ADGRL2: variants seen among roughly 807,000 people sequenced by gnomAD.
ADGRL2 encodes the protein adhesion G protein-coupled receptor L2.
ADGRL2 carries 44 observed loss-of-function variants against 157.4 expected under a neutral mutation model. The observed-to-expected ratio is 0.28, with a 90% confidence interval of 0.22 to 0.36. ADGRL2 has a LOEUF of 0.36. Among genes scored for constraint, ADGRL2 ranks in the 10% least tolerant of loss-of-function variants. The pLI, the probability that ADGRL2 is intolerant of heterozygous loss-of-function variation, is 1.00. For missense variants in ADGRL2, 1,510 were observed against 1,768.9 expected, an observed-to-expected ratio of 0.85 and a Z score of 2.63; for synonymous variants, 585 against 624.7, an observed-to-expected ratio of 0.94 and a Z score of 0.95.
At chr1:81,576,088 T>G (rs1364171759) in intron 2 of ADGRL2, among the ~76,000 whole-genome samples, 1 of 152,134 alleles carries the variant, frequency 6.6e-6, no homozygotes, top group African/African-American at 2.4e-5. Context: ...AAGCATTTTA[T>G]TTAAGAGGTT....
chr1:81,930,518 A>G (rs2095207456), intron 3 of ADGRL2, among the ~76,000 whole-genome samples: 2 of 152,180 alleles, frequency 1.3e-5, no homozygotes, highest in African/African-American at 4.8e-5. Context: ...TGTTTGTAAT[A>G]CTTTCACCTT....
intron 1 of ADGRL2, among the ~76,000 whole-genome samples, chr1:81,826,333 G>T (rs1017458090): frequency 2.6e-4 from 39 of 152,162 alleles, no homozygotes; most frequent in African/African-American, 8.7e-4. Context: ...GGTCTAGAAG[G>T]TTTTTCAGGA....
chr1:81,463,290 C>G (rs2077979872), intron 2 of ADGRL2, among the ~76,000 whole-genome samples: 1 of 151,824 alleles, frequency 6.6e-6, no homozygotes, highest in Non-Finnish European at 1.5e-5. Context: ...CTTTCTGAGA[C>G]TCAAATTCTT....
chr1:81,661,792 C>T (rs894687950), intron 3 of ADGRL2, among the ~76,000 whole-genome samples: 1 of 152,096 alleles, frequency 6.6e-6, no homozygotes, highest in Non-Finnish European at 1.5e-5. Flanking sequence ...ATCATAGGGT[C>T]ACCATATGAT....
At chr1:81,398,367 A>G (rs1211895711) in intron 1 of ADGRL2, among the ~76,000 whole-genome samples, 4 of 151,818 alleles carry the variant, frequency 2.6e-5, no homozygotes, top group African/African-American at 9.7e-5. Context: ...TTGTTTTTAT[A>G]CCTTTCATTT....
chr1:81,812,203 GTTATTA>G (rs2089943344), intron 1 of ADGRL2, among the ~76,000 whole-genome samples: 1 of 151,740 alleles, frequency 6.6e-6, no homozygotes, highest in Non-Finnish European at 1.5e-5. Flanking sequence ...GCTAAACCTT[GTTATTA>G]CCTGCAGAGG....
In ADGRL2 at chr1:81,718,329, T is replaced by C. The variant is rs189972593; in HGVS notation, c.-143+18521T>C. Among the ~76,000 whole-genome samples the C allele has an allele frequency of 2.1e-4, 32 of 152,302 alleles. No homozygotes were observed. The East Asian group carries it at 5.6e-3, about 27-fold the overall frequency. On this transcript the variant is annotated intron_variant, in intron 1 of 20. Coordinates refer to the ADGRL2 transcript ENST00000359929. ...CACCGCATTTTGGGAGAAAAGATTG[T>C]CCATATTTTCTTAAGGAAACATAAT...
intron 2 of ADGRL2, among the ~76,000 whole-genome samples, chr1:81,883,527 A>G (rs941513544): frequency 3.9e-5 from 6 of 152,220 alleles, no homozygotes; most frequent in Admixed American, 3.9e-4. Context: ...TTTATTTAAA[A>G]TAAAATAAAA....
chr1:81,530,356 AT>A (rs553232178), intron 2 of ADGRL2, among the ~76,000 whole-genome samples: 1 of 151,378 alleles, frequency 6.6e-6, no homozygotes, highest in Admixed American at 6.6e-5. Flanking sequence ...TATTATTTGT[AT>A]TTTTTTTGAG....
Position 81,454,139 on chromosome 1 carries a change from C to G in ADGRL2, c.-248+9050C>G, listed in dbSNP as rs147335624. Reference sequence around the variant, plus strand: ...TAAAGTTAAACCAGGGCATTATTGGCTCAGTCTTGAACATCTCAATCCTCA... The same window carrying G: ...TAAAGTTAAACCAGGGCATTATTGGGTCAGTCTTGAACATCTCAATCCTCA... On this transcript the variant is annotated intron_variant, in intron 2 of 24. Transcript: ENST00000370721. 6.8e-3 allele frequency among the ~76,000 whole-genome samples: 1,027 copies of G among 151,038 alleles called. 18 individuals are homozygous for G. The highest frequency in any genetic ancestry group is 0.048 in the South Asian group (228 of 4,784).
intron 1 of ADGRL2, among the ~76,000 whole-genome samples, chr1:81,428,607 T>A (rs1466721383): frequency 3.9e-5 from 6 of 151,930 alleles, no homozygotes; most frequent in African/African-American, 1.5e-4. Flanking sequence ...ATGCAGGCAA[T>A]TTTAGAGGAA....
intron 1 of ADGRL2, among the ~76,000 whole-genome samples, chr1:81,337,619 G>T: frequency 6.6e-6 from 1 of 152,260 alleles, no homozygotes; most frequent in East Asian, 1.9e-4. Context: ...TGTTTTCATG[G>T]TTGCTAATAT....
chr1:81,960,560 C>T lies in ADGRL2; in HGVS notation c.2017+4500C>T, dbSNP rs201981574. On this transcript the variant is annotated intron_variant, in intron 11 of 23. Coordinates refer to ENST00000686636, the MANE Select transcript of ADGRL2 (RefSeq NM_001366006.2). ...CATGATCTCGGCTCACTGCAACCTT[C>T]GCTTCCTGGGTTCAAGTGATTCTCC... is the stretch of plus-strand genomic sequence containing the variant. Among the ~76,000 whole-genome samples the T allele has an allele frequency of 3.5e-3, 534 of 151,238 alleles. 1 individual carries two copies. Among genetic ancestry groups the T allele is most frequent in the East Asian group, 0.014 (71 of 5,134 alleles).
intron 1 of ADGRL2, among the ~76,000 whole-genome samples, chr1:81,700,728 G>A (rs182488684): frequency 1.3e-3 from 199 of 152,252 alleles, no homozygotes; most frequent in Non-Finnish European, 2.2e-3. Flanking sequence ...AGATAGGAGA[G>A]GAAAAGCATA....
chr1:81,795,803 G>A (rs1228656030), upstream of ADGRL2, among the ~76,000 whole-genome samples: 1 of 152,102 alleles, frequency 6.6e-6, no homozygotes, highest in Non-Finnish European at 1.5e-5. Context: ...CTTTTGTTCT[G>A]CACCTAAGCA....
At chr1:81,904,689 C>A (rs2094551949) in intron 2 of ADGRL2, among the ~76,000 whole-genome samples, 1 of 152,176 alleles carries the variant, frequency 6.6e-6, no homozygotes, top group Non-Finnish European at 1.5e-5. Context: ...GTGGGCGGAT[C>A]ACGAGGTCAA....
At chr1:81,552,648 C>T (rs182323802) in intron 2 of ADGRL2, among the ~76,000 whole-genome samples, 5 of 150,774 alleles carry the variant, frequency 3.3e-5, no homozygotes, top group Admixed American at 1.3e-4. Flanking sequence ...AAAAGAACCC[C>T]CCAAAAAACC....
intron 3 of ADGRL2, among the ~76,000 whole-genome samples, chr1:81,919,362 A>G (rs984780500): frequency 3.3e-5 from 5 of 152,094 alleles, no homozygotes; most frequent in African/African-American, 1.2e-4. Flanking sequence ...CAGATTTTAA[A>G]TAAATTTCAC....
intron 1 of ADGRL2, among the ~76,000 whole-genome samples, chr1:81,801,952 G>A (rs1409610505): frequency 6.6e-6 from 1 of 151,426 alleles, no homozygotes; most frequent in Non-Finnish European, 1.5e-5. Flanking sequence ...AGCGGCGTGT[G>A]GGAAACTGCG....
Sources: gnomAD v4.1 joint callset for allele counts (sites outside exome capture counted in the v4.1 genomes callset) on GRCh38, gnomAD v4.1.1 for gene constraint, MANE v1.5 for transcripts, NCBI Gene and HGNC (gene_info 2026-07-23, HGNC 2026-07-21) for gene names.